TNR: variants seen among roughly 807,000 people sequenced by gnomAD.
TNR encodes tenascin-R.
Under a neutral mutation model 150.4 loss-of-function variants are expected in TNR, and 45 were observed. The observed-to-expected ratio is 0.30, with a 90% CI of 0.24 to 0.38. The LOEUF (loss-of-function observed/expected upper bound fraction) is 0.38. Ranked by LOEUF, TNR falls within the 10% of genes least tolerant of loss-of-function variation. The pLI, the probability that TNR is intolerant of heterozygous loss-of-function variation, is 1.00. For missense variants in TNR, 1,544 were observed against 1,759.1 expected (o/e 0.88, Z 2.19); for synonymous variants, 687 against 678.4 (o/e 1.01, Z -0.20).
intron 15 of TNR, among the ~76,000 whole-genome samples, chr1:175,358,202 G>A (rs1237835934): frequency 6.6e-6 from 1 of 152,174 alleles, no homozygotes; most frequent in Non-Finnish European, 1.5e-5. Context: ...GAGGGGTTAG[G>A]ACATACCCAT....
chr1:175,507,531 G>A (rs1007479004), intron 2 of TNR, among the ~76,000 whole-genome samples: 4 of 151,938 alleles, frequency 2.6e-5, no homozygotes, highest in Admixed American at 6.5e-5. Flanking sequence ...TTGTCTGTCC[G>A]CCTCACATCT....
At chr1:175,500,804 G>T (rs546611106) in intron 2 of TNR, among the ~76,000 whole-genome samples, 1 of 152,216 alleles carries the variant, frequency 6.6e-6, no homozygotes, top group African/African-American at 2.4e-5. Context: ...GCAGGAGGAC[G>T]CTTAGACCTT....
chr1:175,426,924 AATAT>A (rs1286472411), intron 2 of TNR, among the ~76,000 whole-genome samples: 1 of 85,094 alleles, frequency 1.2e-5, no homozygotes, highest in Non-Finnish European at 2.3e-5. Flanking sequence ...ATAAAATATA[AATAT>A]ATATAAAATA....
At chr1:175,356,292 C>A (rs184466076) in intron 16 of TNR, 27 bp downstream of exon 16, 1 of 1,612,022 alleles carries the variant, frequency 6.2e-7, no homozygotes, top group African/African-American at 1.3e-5. Flanking sequence ...CCCAGGGATA[C>A]GGGTATGTAG....
intron 1 of TNR, among the ~76,000 whole-genome samples, chr1:175,632,673 T>C (rs1215450349): frequency 6.6e-6 from 1 of 152,196 alleles, no homozygotes; most frequent in Non-Finnish European, 1.5e-5. Context: ...TAAATACCTA[T>C]TTAGCACTGT....
intron 1 of TNR, among the ~76,000 whole-genome samples, chr1:175,674,377 T>C (rs1665799052): frequency 6.6e-6 from 1 of 152,194 alleles, no homozygotes; most frequent in Non-Finnish European, 1.5e-5. Flanking sequence ...GCTGGACCCC[T>C]GGAAACCACA....
intron 2 of TNR, among the ~76,000 whole-genome samples, chr1:175,437,802 C>G (rs1479838563): frequency 6.6e-6 from 1 of 152,202 alleles, no homozygotes; most frequent in Non-Finnish European, 1.5e-5. Flanking sequence ...TTCCTCGACA[C>G]ATACACCCTC....
At chr1:175,383,766 C>T (rs859434) in intron 8 of TNR, among the ~76,000 whole-genome samples, 100,628 of 152,046 alleles carry the variant, frequency 0.66, 33,446 homozygotes, top group East Asian at 0.81. Context: ...GGTACCCTCT[C>T]ATCATTTAAC....
At chr1:175,336,107 A>C (rs1650235576) in intron 19 of TNR, among the ~76,000 whole-genome samples, 2 of 152,240 alleles carry the variant, frequency 1.3e-5, no homozygotes, top group African/African-American at 2.4e-5. Context: ...ATACATATCA[A>C]GCCCTAAATA....
At chr1:175,596,319 T>C (rs1465402924) in intron 1 of TNR, among the ~76,000 whole-genome samples, 2 of 152,058 alleles carry the variant, frequency 1.3e-5, no homozygotes, top group Admixed American at 1.3e-4. Flanking sequence ...GGTCCTCCAG[T>C]TCCCCCCACC....
At chr1:175,326,397 C>T (rs1241687273) in intron 21 of TNR, among the ~76,000 whole-genome samples, 1 of 152,192 alleles carries the variant, frequency 6.6e-6, no homozygotes, top group Non-Finnish European at 1.5e-5. Context: ...CACAGGGCCA[C>T]TCAATGCCTC....
intron 1 of TNR, among the ~76,000 whole-genome samples, chr1:175,701,163 T>C (rs910484809): frequency 1.3e-5 from 2 of 152,238 alleles, no homozygotes; most frequent in Non-Finnish European, 2.9e-5. Flanking sequence ...ACACAATCTA[T>C]TGCTTTTTGC....
chr1:175,681,440 G>C (rs559506732), intron 1 of TNR, among the ~76,000 whole-genome samples: 1 of 152,220 alleles, frequency 6.6e-6, no homozygotes. Context: ...AACTATGCTT[G>C]CAGCAAAGAG....
At chr1:175,672,869 C>G (rs58955979) in intron 1 of TNR, among the ~76,000 whole-genome samples, 5,421 of 152,206 alleles carry the variant, frequency 0.036, 267 homozygotes, top group African/African-American at 0.11. Context: ...CTGCTAGGTT[C>G]GTCACTACTC....
At chr1:175,424,330 G>T (rs1321561821) in intron 2 of TNR, among the ~76,000 whole-genome samples, 1 of 152,320 alleles carries the variant, frequency 6.6e-6, no homozygotes, top group Middle Eastern at 3.4e-3. Context: ...GCCTGGCCAG[G>T]CAGTGGTGGG....
intron 1 of TNR, among the ~76,000 whole-genome samples, chr1:175,729,474 G>T (rs78218227): frequency 1.3e-5 from 2 of 151,478 alleles, no homozygotes; most frequent in Non-Finnish European, 2.9e-5. Context: ...CTGTCTCCAC[G>T]CCAGAGTGCA....
chr1:175,664,983 G>C (rs1305635109), intron 1 of TNR, among the ~76,000 whole-genome samples: 1 of 152,202 alleles, frequency 6.6e-6, no homozygotes, highest in African/African-American at 2.4e-5. Flanking sequence ...CAGTCAAAAG[G>C]ATGACAGAAT....
chr1:175,739,044 T>C (rs1667850885), intron 1 of TNR, among the ~76,000 whole-genome samples: 1 of 152,180 alleles, frequency 6.6e-6, no homozygotes, highest in African/African-American at 2.4e-5. Flanking sequence ...TTCCATGACA[T>C]GGTGGTTTAG....
intron 15 of TNR, 59 bp from the exon 16 acceptor site, chr1:175,356,521 T>G: frequency 6.3e-6 from 10 of 1,589,530 alleles, no homozygotes; most frequent in Non-Finnish European, 7.7e-6. Flanking sequence ...AGGAAAGATC[T>G]ACCAAATCCA....
Sources: gnomAD v4.1 joint callset for allele counts (sites outside exome capture counted in the v4.1 genomes callset) on GRCh38, gnomAD v4.1.1 for gene constraint, MANE v1.5 for transcripts, NCBI Gene and HGNC (gene_info 2026-07-23, HGNC 2026-07-21) for gene names.